Variants in TUBA4B observed in about 807,000 individuals in gnomAD.
TUBA4B encodes tubulin-like protein alpha-4B.
TUBA4B carries 13 observed loss-of-function variants against 18.4 expected under a neutral mutation model. That is an observed-to-expected ratio of 0.71 (90% CI 0.46 to 1.12). The LOEUF (loss-of-function observed/expected upper bound fraction) is 1.12. Ranked by LOEUF, TUBA4B falls within the 50% of genes most tolerant of loss-of-function variation. The pLI is 0.00. For synonymous variants in TUBA4B, 101 were observed against 99.1 expected, an observed-to-expected ratio of 1.02 and a Z score of -0.11; for missense variants, 244 against 250.0, an observed-to-expected ratio of 0.98 and a Z score of 0.16.
chr2:219,271,434 G>A lies in TUBA4B; in HGVS notation c.461G>A (p.Cys154Tyr), dbSNP rs538566555. The A allele has an allele frequency of 5.7e-5, 92 of 1,614,058 alleles. 1 individual carries two copies. The highest frequency in any genetic ancestry group is 1.5e-4 in the African/African-American group (11 of 75,020). The change falls in exon 4 of 4, where the codon TGC (cysteine) becomes TAC (tyrosine). Residue 154 changes from cysteine to tyrosine, a missense_variant. Cys to Tyr is a radical substitution (Grantham distance 194). Coordinates refer to ENST00000490341, the MANE Select transcript of TUBA4B (RefSeq NM_001355221.1). ...AAAGCAATCTATGACATCTGCCACT[G>A]CAACCTAGACATCGAGCGCCCAACC... Reference protein sequence around the residue: ...DNKAIYDICHCNLDIERPTYT... With the variant: ...DNKAIYDICHYNLDIERPTYT...
rs78143651 is a variant in TUBA4B, at chr2:219,256,180, C to T, written c.12+2761C>T. On this transcript the variant is annotated intron_variant, in intron 1 of 3. Transcript: ENST00000490341. ...AAAAACTCTAAACCTCTTTGACCTT[C>T]AGGTGCAGATTCTTCATTTGTAAAA... Among the ~76,000 whole-genome samples, 650 of 152,324 alleles carry T rather than the reference C, an allele frequency of 4.3e-3. 36 individuals are homozygous for T. In the East Asian group the frequency reaches 0.11, roughly 25 times the overall value.
chr2:219,262,879 A>G (rs1951767980), intron 1 of TUBA4B, among the ~76,000 whole-genome samples: 1 of 152,014 alleles, frequency 6.6e-6, no homozygotes, highest in Non-Finnish European at 1.5e-5. Context: ...CGTCTCTACT[A>G]AAAATACAAA....
chr2:219,258,307 G>C (rs1291630431), intron 1 of TUBA4B, among the ~76,000 whole-genome samples: 1 of 151,496 alleles, frequency 6.6e-6, no homozygotes, highest in African/African-American at 2.4e-5. Flanking sequence ...TGTTTGTTTT[G>C]TTTTGTTTTG....
chr2:219,270,433 C>G (rs1037800152), intron 3 of TUBA4B, 98 bp downstream of exon 3: 1 of 663,766 alleles, frequency 1.5e-6, no homozygotes, highest in African/African-American at 1.8e-5. Flanking sequence ...GCTTCAGCCT[C>G]TGGGAGAAAC....
chr2:219,264,841 G>T (rs1951780957), intron 1 of TUBA4B, among the ~76,000 whole-genome samples: 1 of 152,218 alleles, frequency 6.6e-6, no homozygotes, highest in Non-Finnish European at 1.5e-5. Flanking sequence ...CTAATGGGGG[G>T]CTACTGTGGT....
intron 2 of TUBA4B, among the ~76,000 whole-genome samples, chr2:219,267,583 T>TG (rs1010650396): frequency 2.0e-5 from 3 of 149,834 alleles, no homozygotes; most frequent in Non-Finnish European, 3.0e-5. Flanking sequence ...TTTTTTTTGT[T>TG]TTTTTTTTTT....
At chr2:219,268,047 G>T (rs1436398738) in intron 2 of TUBA4B, among the ~76,000 whole-genome samples, 1 of 151,498 alleles carries the variant, frequency 6.6e-6, no homozygotes, top group Admixed American at 6.6e-5. Context: ...AGCCAAGGCA[G>T]CCCCAGGATT....
Position 219,253,337 on chromosome 2 carries a change from C to T in TUBA4B, c.-71C>T. On this transcript the variant is annotated 5_prime_UTR_variant, in exon 1 of 4. It adds an upstream start codon to the 5' untranslated region. Transcript: ENST00000490341. ...TTCCCACCAACCCTCTCAGCTCAGA[C>T]GCGGGGTGCTGAGTCACGGGGGGGG... The T allele has an allele frequency of 7.2e-6, 11 of 1,530,356 alleles. No homozygotes were observed. The highest frequency in any genetic ancestry group is 1.7e-4 in the Middle Eastern group (1 of 5,846). 94.8% of individuals were successfully genotyped at this position (1,530,356 alleles called of 1,614,324 possible). A position where few individuals can be genotyped will look rare whatever the true frequency, so the allele number is the denominator to read the frequency against.
At chr2:219,268,082 G>C (rs1196552865) in intron 2 of TUBA4B, among the ~76,000 whole-genome samples, 1 of 150,728 alleles carries the variant, frequency 6.6e-6, no homozygotes, top group African/African-American at 2.4e-5. Flanking sequence ...TCCTGTCCTT[G>C]AGGTCTCAGC....
At chr2:219,265,830 T>TTTG (rs1266071198) in intron 1 of TUBA4B, among the ~76,000 whole-genome samples, 2 of 152,222 alleles carry the variant, frequency 1.3e-5, no homozygotes, top group African/African-American at 2.4e-5. Flanking sequence ...ATCCTCTTGC[T>TTTG]TTGCCCTTGG....
intron 1 of TUBA4B, among the ~76,000 whole-genome samples, chr2:219,258,979 G>A (rs867414294): frequency 3.3e-5 from 5 of 152,034 alleles, no homozygotes; most frequent in African/African-American, 1.2e-4. Flanking sequence ...AGACATGGGT[G>A]CAGGAAGAAA....
At position 219,253,955 on chromosome 2, in the gene TUBA4B, G is replaced by T. The variant is rs1048330997; in HGVS notation, c.12+536G>T. The T allele has an allele frequency of 1.2e-4, 145 of 1,181,586 alleles. 1 individual carries two copies. Among genetic ancestry groups the T allele is most frequent in the Non-Finnish European group, 1.6e-4 (142 of 903,226 alleles). 73.2% of individuals were successfully genotyped at this position (1,181,586 alleles called of 1,614,324 possible). The stretch of plus-strand genomic sequence containing the variant: ...TGCCGCACCGCCCTTATAGGCGGGG[G>T]GGGGGCGGGGCCCGCGTTCCCCGCT... On this transcript the variant is annotated intron_variant, in intron 1 of 3. Transcript: ENST00000490341.
At chr2:219,264,975 G>A (rs1951781609) in intron 1 of TUBA4B, among the ~76,000 whole-genome samples, 1 of 152,140 alleles carries the variant, frequency 6.6e-6, no homozygotes, top group African/African-American at 2.4e-5. Context: ...ACACAGAGCT[G>A]GGGACAAAAC....
chr2:219,253,764 G>A (rs1275329577), intron 1 of TUBA4B: 2 of 1,463,114 alleles, frequency 1.4e-6, no homozygotes, highest in Admixed American at 2.2e-5. Context: ...CGGAACGCCC[G>A]GTGGAGGTCC....
chr2:219,262,644 G>T (rs901219410), intron 1 of TUBA4B, among the ~76,000 whole-genome samples: 1 of 152,046 alleles, frequency 6.6e-6, no homozygotes, highest in Non-Finnish European at 1.5e-5. Context: ...AGTAGCTGGG[G>T]CCACAGGCAT....
rs1197178189 is a variant in TUBA4B, at chr2:219,270,304, T to C, written c.161T>C (p.Ile54Thr). 1 of 754,982 alleles carries C rather than the reference T, an allele frequency of 1.3e-6. No homozygotes were observed. Among genetic ancestry groups the C allele is most frequent in the Non-Finnish European group, 2.5e-6 (1 of 408,066 alleles). 46.8% of individuals were successfully genotyped at this position (754,982 alleles called of 1,614,324 possible). ...CACTACACCATTGGGAAGGAGTTCA[T>C]CGACCTGCTACTGGACCGGATTCGG... ...WGHYTIGKEFIDLLLDRIRKL... is the reference protein window; with the variant it reads ...WGHYTIGKEFTDLLLDRIRKL... Residue 54 changes from isoleucine (I) to threonine (T), a missense_variant, in exon 3 of 4, where the codon ATC becomes ACC. Coordinates refer to ENST00000490341, the MANE Select transcript of TUBA4B (RefSeq NM_001355221.1).
intron 1 of TUBA4B, chr2:219,253,957 G>GT (rs930835469): frequency 8.5e-7 from 1 of 1,174,490 alleles, no homozygotes; most frequent in African/African-American, 1.6e-5. Flanking sequence ...AGGCGGGGGG[G>GT]GGGCGGGGCC....
intron 1 of TUBA4B, chr2:219,254,553 GA>G (rs1199543134): frequency 6.6e-6 from 1 of 152,346 alleles, no homozygotes; most frequent in Non-Finnish European, 1.5e-5. Flanking sequence ...TGCCGGGGCC[GA>G]CCCCGGAATC....
At chr2:219,256,959 G>A (rs925737218) in intron 1 of TUBA4B, among the ~76,000 whole-genome samples, 11 of 151,876 alleles carry the variant, frequency 7.2e-5, no homozygotes, top group Non-Finnish European at 1.5e-4. Context: ...TGGAAAAGTC[G>A]AGGAATAGAT....
Sources: gnomAD v4.1 joint callset for allele counts (sites outside exome capture counted in the v4.1 genomes callset) on GRCh38, gnomAD v4.1.1 for gene constraint, MANE v1.5 for transcripts, NCBI Gene and HGNC (gene_info 2026-07-23, HGNC 2026-07-21) for gene names.